GALNT2: variants seen among roughly 807,000 people sequenced by gnomAD.
GALNT2 encodes polypeptide N-acetylgalactosaminyltransferase 2.
Under a neutral mutation model 81.4 loss-of-function variants are expected in GALNT2, and 31 were observed. The ratio of observed to expected loss-of-function variants is 0.38; its 90% CI spans 0.29 to 0.51. The LOEUF (loss-of-function observed/expected upper bound fraction) is 0.51. Ranked by LOEUF, GALNT2 falls within the 20% of genes least tolerant of loss-of-function variation. The pLI is 0.87. For missense variants in GALNT2, 629 were observed against 765.7 expected (o/e 0.82, Z 2.11); for synonymous variants, 303 against 287.4 (o/e 1.05, Z -0.55).
intron 8 of GALNT2, among the ~76,000 whole-genome samples, chr1:230,247,114 A>G (rs549578721): frequency 6.6e-6 from 1 of 151,562 alleles, no homozygotes; most frequent in African/African-American, 2.4e-5. Flanking sequence ...GTGTGATGGC[A>G]TGCCAGCTAC....
chr1:230,194,035 A>G (rs1369868841), intron 2 of GALNT2, among the ~76,000 whole-genome samples: 1 of 152,224 alleles, frequency 6.6e-6, no homozygotes, highest in African/African-American at 2.4e-5. Context: ...AAAGTTCCCA[A>G]AACTAAACCA....
intron 1 of GALNT2, among the ~76,000 whole-genome samples, chr1:230,146,289 C>T (rs1661913402): frequency 6.6e-6 from 1 of 152,230 alleles, no homozygotes; most frequent in Non-Finnish European, 1.5e-5. Flanking sequence ...CGCCTTCTCT[C>T]CCGCACCAGG....
intron 1 of GALNT2, among the ~76,000 whole-genome samples, chr1:230,081,160 T>C (rs1315893287): frequency 6.6e-6 from 1 of 152,150 alleles, no homozygotes; most frequent in Non-Finnish European, 1.5e-5. Flanking sequence ...AGTGTGAGGA[T>C]GAAGGGGCTC....
chr1:230,093,288 G>A (rs1014376248), intron 1 of GALNT2, among the ~76,000 whole-genome samples: 2 of 151,924 alleles, frequency 1.3e-5, no homozygotes, highest in African/African-American at 4.9e-5. Flanking sequence ...TTAACTTAAA[G>A]GGCACTGAAC....
At chr1:230,162,373 A>G (rs1662462595) in intron 1 of GALNT2, among the ~76,000 whole-genome samples, 1 of 152,248 alleles carries the variant, frequency 6.6e-6, no homozygotes, top group African/African-American at 2.4e-5. Context: ...AAGATGGATG[A>G]ATAATTTATA....
At chr1:230,211,176 T>C (rs755717182) in intron 3 of GALNT2, among the ~76,000 whole-genome samples, 4 of 152,182 alleles carry the variant, frequency 2.6e-5, no homozygotes, top group Admixed American at 2.6e-4. Context: ...GAGATTCTTG[T>C]GACGGAACCG....
intron 10 of GALNT2, among the ~76,000 whole-genome samples, chr1:230,253,270 C>G (rs114905786): frequency 3.3e-5 from 5 of 152,138 alleles, no homozygotes; most frequent in Admixed American, 1.3e-4. Flanking sequence ...ATTAAAGCCC[C>G]GTAACAGCTG....
intron 1 of GALNT2, among the ~76,000 whole-genome samples, chr1:230,129,595 T>C (rs7541570): frequency 0.27 from 41,739 of 152,110 alleles, 5,808 homozygotes; most frequent in African/African-American, 0.32. Flanking sequence ...CCTGGTGTTA[T>C]AGAAGTGAAC....
Position 230,255,244 on chromosome 1 carries a change from G to A in GALNT2, c.1036G>A (p.Gly346Ser). ...GATCTCGTTCCGCGTGTGGCAGTGT[G>A]GTGGCAGCCTGGAGATCATCCCGTG... ...LEISFRVWQC[G>S]GSLEIIPCSR... Residue 346 changes from glycine to serine, a missense_variant, in exon 11 of 16, where the codon GGT becomes AGT. Coordinates refer to ENST00000366672, the MANE Select transcript of GALNT2 (RefSeq NM_004481.5). 1 of 1,614,238 alleles carries A rather than the reference G, an allele frequency of 6.2e-7. No homozygotes were observed. Among genetic ancestry groups the A allele is most frequent in the Non-Finnish European group, 8.5e-7 (1 of 1,180,042 alleles).
In GALNT2 at chr1:230,187,230, A is replaced by G. The variant is rs138423379; in HGVS notation, c.220+8919A>G. On this transcript the variant is annotated intron_variant, in intron 2 of 15. Transcript: ENST00000366672. Reference sequence around the variant, plus strand: ...ACAGTCTCCAATTTTCTGATCGCACACTCTATGAACAGACGTATATTTAGA... The same window carrying G: ...ACAGTCTCCAATTTTCTGATCGCACGCTCTATGAACAGACGTATATTTAGA... 3.8e-3 allele frequency among the ~76,000 whole-genome samples: 575 copies of G among 152,310 alleles called. 7 individuals are homozygous for G. The highest frequency in any genetic ancestry group is 0.012 in the African/African-American group (507 of 41,560).
chr1:230,188,842 C>CT (rs1402721977), intron 2 of GALNT2, among the ~76,000 whole-genome samples: 3 of 152,078 alleles, frequency 2.0e-5, no homozygotes, highest in Non-Finnish European at 4.4e-5. Flanking sequence ...TTTTGGAAAT[C>CT]TATCTGATAG....
chr1:230,162,254 T>C (rs944140808), intron 1 of GALNT2, among the ~76,000 whole-genome samples: 1 of 152,184 alleles, frequency 6.6e-6, no homozygotes, highest in South Asian at 2.1e-4. Flanking sequence ...GCCGGGTTCT[T>C]CAGGGTGTTA....
At chr1:230,092,075 C>A (rs1483464941) in intron 1 of GALNT2, 1 of 152,080 alleles carries the variant, frequency 6.6e-6, no homozygotes, top group Non-Finnish European at 1.5e-5. Context: ...CTGACTAATA[C>A]ATCTGACTTT....
chr1:230,178,323 G>T lies in GALNT2; in HGVS notation c.220+12G>T, dbSNP rs780969520. On this transcript the variant is annotated intron_variant, in intron 2 of 15. Transcript: ENST00000366672. ...GACCCTCCCTCCAGGTACTGCCAGG[G>T]GCCAGGAAGCCATCTTGCTTTGAGC... 3 of 1,604,890 alleles carry T rather than the reference G, an allele frequency of 1.9e-6. No individual in the cohort carries two copies. In the South Asian group the frequency reaches 3.3e-5, roughly 18 times the overall value.
chr1:230,097,593 T>C (rs1045796624), intron 1 of GALNT2, among the ~76,000 whole-genome samples: 14 of 152,242 alleles, frequency 9.2e-5, no homozygotes, highest in African/African-American at 2.9e-4. Context: ...GAAGGCTGAG[T>C]AATATTCCAT....
At chr1:230,178,448 G>A in intron 2 of GALNT2, 137 bp downstream of exon 2, 6 of 607,568 alleles carry the variant, frequency 9.9e-6, no homozygotes, top group Non-Finnish European at 1.7e-5. Flanking sequence ...CTAAAGCACT[G>A]CTTTGCCAAC....
At chr1:230,201,298 G>A (rs761977216) in intron 2 of GALNT2, among the ~76,000 whole-genome samples, 2 of 152,106 alleles carry the variant, frequency 1.3e-5, no homozygotes, top group Admixed American at 6.5e-5. Flanking sequence ...ACTGATTTTC[G>A]ATTTGAGAGG....
intron 3 of GALNT2, among the ~76,000 whole-genome samples, chr1:230,219,339 A>G (rs771040117): frequency 3.9e-5 from 6 of 152,130 alleles, no homozygotes; most frequent in Non-Finnish European, 7.4e-5. Flanking sequence ...GCTCTGGGCT[A>G]GAATAAAGCA....
upstream of GALNT2, among the ~76,000 whole-genome samples, chr1:230,064,768 TC>T (rs2102735550): frequency 6.6e-6 from 1 of 152,340 alleles, no homozygotes; most frequent in East Asian, 1.9e-4. Flanking sequence ...CACTCTGGCC[TC>T]CCAAAGTGCT....
Sources: allele counts gnomAD v4.1 joint callset (sites outside exome capture counted in the v4.1 genomes callset), GRCh38; gene constraint gnomAD v4.1.1; transcripts MANE v1.5; gene names NCBI Gene and HGNC (gene_info 2026-07-23, HGNC 2026-07-21).